UMODL1: variants seen among roughly 807,000 people sequenced by gnomAD.
UMODL1 encodes uromodulin like 1, also known as uromodulin-like 1.
Under a neutral mutation model 136.3 loss-of-function variants are expected in UMODL1, and 128 were observed. That is an observed-to-expected ratio of 0.94 (90% CI 0.81 to 1.09). The LOEUF is 1.09. Among genes scored for constraint, UMODL1 ranks in the 50% least tolerant of loss-of-function variants. UMODL1 has a pLI of 0.00. For synonymous variants in UMODL1, 721 were observed against 720.0 expected (o/e 1.00, Z -0.02); for missense variants, 1,766 against 1,725.6 (o/e 1.02, Z -0.41).
upstream of UMODL1, among the ~76,000 whole-genome samples, chr21:42,067,775 A>G (rs901846889): frequency 6.6e-6 from 1 of 152,204 alleles, no homozygotes; most frequent in Non-Finnish European, 1.5e-5. Context: ...CGACAGGCCC[A>G]TGCTGCTCCT....
chr21:42,075,044 G>T (rs772991079), intron 1 of UMODL1, among the ~76,000 whole-genome samples: 1 of 151,782 alleles, frequency 6.6e-6, no homozygotes, highest in Non-Finnish European at 1.5e-5. Flanking sequence ...GACTACAGGC[G>T]CCCACCGCCA....
Position 42,076,212 on chromosome 21 carries a change from A to G in UMODL1, c.284A>G (p.Glu95Gly). 2 of 1,614,226 alleles carry G rather than the reference A, an allele frequency of 1.2e-6. No individual in the cohort carries two copies. Among genetic ancestry groups the G allele is most frequent in the South Asian group, 1.1e-5 (1 of 91,086 alleles). Reference protein sequence around the residue: ...PESRNVTDCCEGYEQLGLYCV... With the variant: ...PESRNVTDCCGGYEQLGLYCV... ...TCCAGGAACGTGACTGACTGCTGTG[A>G]GGGCTATGAACAGCTCGGCCTCTAC... is the stretch of plus-strand genomic sequence containing the variant. Residue 95 changes from glutamate to glycine, a missense_variant, in exon 2 of 23, where the codon GAG becomes GGG. Physicochemically the swap from Glu to Gly is moderately conservative, Grantham distance 98. Transcript: ENST00000408910.
rs941985476 is a variant in UMODL1 at position 42,122,667 on chromosome 21, G to A, written c.2828-164G>A. Reference sequence around the variant, plus strand: ...CGTGTGTGTGCATATGTGTGCGTGTGTGTGTGTGTGTGTGCACGTGTGTAG... The same window carrying A: ...CGTGTGTGTGCATATGTGTGCGTGTATGTGTGTGTGTGTGCACGTGTGTAG... On this transcript the variant is annotated intron_variant, in intron 16 of 22. Transcript: ENST00000408910. The surrounding 1 kb of genome is among the most constrained non-coding windows in gnomAD (Gnocchi z 4.3). 1.1e-4 allele frequency among the ~76,000 whole-genome samples: 15 copies of A among 137,872 alleles called. No individual in the cohort carries two copies. In the South Asian group the frequency reaches 3.1e-3, roughly 28 times the overall value. The allele number at this position is 137,872 out of a possible 152,430, so 90.4% of individuals were successfully genotyped here.
rs202159448 is a variant in UMODL1, at chr21:42,115,876, C to T, written c.2366C>T (p.Ala789Val). Residue 789 changes from alanine to valine, a missense_variant, in exon 14 of 23, where the codon GCC becomes GTC. Coordinates refer to ENST00000408910, the MANE Select transcript of UMODL1 (RefSeq NM_001004416.3). ...GTGCTTATCCTCCATCCTGCAGCAG[C>T]CCGGAAGCTCATTGGAAAGGTCAGA... ...ARAHLKVRTA[A>V]RKLIGKVRIK... is the part of the protein sequence containing the mutation. 282 of 1,613,544 alleles carry T rather than the reference C, an allele frequency of 1.7e-4. 1 individual carries two copies. The highest frequency in any genetic ancestry group is 6.3e-4 in the Admixed American group (38 of 59,982).
rs766731000 is a variant in UMODL1 at position 42,127,169 on chromosome 21, G to A, written c.3457G>A (p.Val1153Ile). ...CAGGCAGAAAAGCAACCTCAAGGTG[G>A]TCCTGACGGAGTGCTGGGCAACCCC... ...LYRQKSNLKVVLTECWATPSS... is the reference protein window; with the variant it reads ...LYRQKSNLKVILTECWATPSS... The change falls in exon 19 of 23, where the codon GTC (valine) becomes ATC (isoleucine). Residue 1153 changes from valine to isoleucine, a missense_variant. By Grantham distance (29) the Val-to-Ile change is conservative. Transcript: ENST00000408910. 2 of 1,614,180 alleles carry A rather than the reference G, an allele frequency of 1.2e-6. No individual in the cohort carries two copies. Among genetic ancestry groups the A allele is most frequent in the Non-Finnish European group, 1.7e-6 (2 of 1,180,022 alleles).
At chr21:42,109,391 A>G (rs1350380741) in intron 9 of UMODL1, among the ~76,000 whole-genome samples, 171 bp from the exon 10 acceptor site, 3 of 152,104 alleles carry the variant, frequency 2.0e-5, no homozygotes, top group Admixed American at 6.6e-5. Context: ...AGGTGGGCAC[A>G]GGCAGGCCGT....
intron 2 of UMODL1, among the ~76,000 whole-genome samples, chr21:42,077,564 T>G (rs1320810127): frequency 2.0e-5 from 3 of 152,230 alleles, no homozygotes; most frequent in African/African-American, 7.2e-5. Context: ...TATTACAAGG[T>G]GATAGACACG....
chr21:42,130,362 T>C (rs187253351), intron 21 of UMODL1, among the ~76,000 whole-genome samples: 1 of 152,334 alleles, frequency 6.6e-6, no homozygotes, highest in African/African-American at 2.4e-5. Flanking sequence ...ATTGCATGTA[T>C]TTTCAAAACC....
At chr21:42,101,758 G>A (rs1415269765) in intron 7 of UMODL1, 5 of 456,836 alleles carry the variant, frequency 1.1e-5, no homozygotes, top group South Asian at 4.6e-5. Context: ...GGAACCTCCC[G>A]GGCAGGTTGG....
At chr21:42,069,229 AACAC>A (rs61712292), upstream of UMODL1, among the ~76,000 whole-genome samples, 1,737 of 136,380 alleles carry the variant, frequency 0.013, 23 homozygotes, top group East Asian at 0.049. Context: ...CACAGACAGA[AACAC>A]ACACACACAC....
At position 42,137,587 on chromosome 21, in the gene UMODL1, C is replaced by T. The variant is rs767072875; in HGVS notation, c.3924C>T (p.Ser1308=). ...GGAGATACAACTTTAAAATCCAGTC[C>T]AACAACTTCAGCTACCAGGTGTTCT... ...MNGRYNFKIQ[S]NNFSYQVFYE Residue 1308 remains serine, a synonymous_variant, in exon 22 of 23, where the codon TCC becomes TCT. Transcript: ENST00000408910. 6.2e-7 allele frequency: 1 copy of T among 1,614,090 alleles called. No homozygotes were observed. The highest frequency in any genetic ancestry group is 8.5e-7 in the Non-Finnish European group (1 of 1,180,016).
intron 2 of UMODL1, among the ~76,000 whole-genome samples, chr21:42,077,567 T>C (rs1382113426): frequency 1.3e-5 from 2 of 152,388 alleles, no homozygotes; most frequent in Non-Finnish European, 2.9e-5. Flanking sequence ...TACAAGGTGA[T>C]AGACACGAGG....
chr21:42,097,147 A>T (rs1601208161), intron 6 of UMODL1, among the ~76,000 whole-genome samples: 1 of 152,242 alleles, frequency 6.6e-6, no homozygotes, highest in Non-Finnish European at 1.5e-5. Flanking sequence ...CCTGACCAGT[A>T]TGCCGAAAAT....
chr21:42,102,382 A>G, intron 8 of UMODL1, 104 bp downstream of exon 8: 1 of 864,840 alleles, frequency 1.2e-6, no homozygotes, highest in Non-Finnish European at 1.8e-6. Flanking sequence ...GGATTGTGGC[A>G]AAAATACATG....
At chr21:42,116,060 C>A in intron 14 of UMODL1, 75 bp downstream of exon 14, 1 of 1,225,942 alleles carries the variant, frequency 8.2e-7, no homozygotes, top group Non-Finnish European at 1.2e-6. Context: ...CTAGGTTAGG[C>A]ACGGTGGCTC....
At chr21:42,127,382 G>A (rs1218950605) in intron 19 of UMODL1, 140 bp downstream of exon 19, 1 of 872,022 alleles carries the variant, frequency 1.1e-6, no homozygotes, top group Non-Finnish European at 1.9e-6. Context: ...AGGAGTGCAG[G>A]CACCCCTGTC....
chr21:42,139,577 G>C lies in UMODL1; in HGVS notation c.*21+1936G>C, dbSNP rs117574643. On this transcript the variant is annotated intron_variant, in intron 22 of 22. Coordinates refer to ENST00000408910, the MANE Select transcript of UMODL1 (RefSeq NM_001004416.3). ...AACTGCCCACCCTCTCAGCCAACAGGAGAACAAGGAAAGACGAGAGGCCAA... is the reference window on the plus strand; with the variant it reads ...AACTGCCCACCCTCTCAGCCAACAGCAGAACAAGGAAAGACGAGAGGCCAA... Among the ~76,000 whole-genome samples the C allele has an allele frequency of 3.4e-3, 523 of 152,252 alleles. 3 individuals carry two copies. The highest frequency in any genetic ancestry group is 6.0e-3 in the Non-Finnish European group (405 of 68,018).
At chr21:42,117,722 T>C (rs1473581894) in intron 14 of UMODL1, among the ~76,000 whole-genome samples, 2 of 152,240 alleles carry the variant, frequency 1.3e-5, no homozygotes, top group African/African-American at 2.4e-5. Flanking sequence ...GCTCATTCCC[T>C]GCTCCTGGTT....
intron 9 of UMODL1, among the ~76,000 whole-genome samples, chr21:42,106,715 C>T (rs891932468): frequency 1.2e-4 from 19 of 152,246 alleles, no homozygotes; most frequent in Non-Finnish European, 1.8e-4. Context: ...GCGGCCAAAC[C>T]TCCTGCTCAC....
Sources: allele counts gnomAD v4.1 joint callset (sites outside exome capture counted in the v4.1 genomes callset), GRCh38; gene constraint gnomAD v4.1.1; non-coding constraint Gnocchi (gnomAD v3.1); transcripts MANE v1.5; gene names NCBI Gene and HGNC (gene_info 2026-07-23, HGNC 2026-07-21).